The following CPQ variants were observed in gnomAD, a reference collection of about 807,000 sequenced individuals.
The protein encoded by CPQ is carboxypeptidase Q.
CPQ carries 37 observed loss-of-function variants against 45.7 expected under a neutral mutation model. That is an observed-to-expected ratio of 0.81 (90% CI 0.62 to 1.07). The LOEUF is 1.07. Ranked by LOEUF, CPQ falls within the 50% of genes least tolerant of loss-of-function variation. The probability of loss-of-function intolerance (pLI) is 0.00; values close to 1 mark genes in which losing one functional copy is unlikely to be tolerated. For synonymous variants in CPQ, 186 were observed against 205.8 expected, an observed-to-expected ratio of 0.90 and a Z score of 0.82; for missense variants, 537 against 572.9, an observed-to-expected ratio of 0.94 and a Z score of 0.64.
At chr8:96,647,003 A>G (rs1815526570) in intron 1 of CPQ, among the ~76,000 whole-genome samples, 1 of 152,148 alleles carries the variant, frequency 6.6e-6, no homozygotes. Context: ...ACTTTTTTCC[A>G]GTGCAACCCA....
intron 5 of CPQ, among the ~76,000 whole-genome samples, chr8:96,998,821 G>A (rs1809219293): frequency 6.6e-6 from 1 of 151,894 alleles, no homozygotes; most frequent in Non-Finnish European, 1.5e-5. Context: ...CATTGTACTG[G>A]CCTCCAGCTC....
intron 7 of CPQ, among the ~76,000 whole-genome samples, chr8:97,137,153 C>T (rs9693953): frequency 0.02 from 2,997 of 152,282 alleles, 82 homozygotes; most frequent in African/African-American, 0.067. Flanking sequence ...TGAGGAAATG[C>T]CTTCTTCAAG....
intron 5 of CPQ, among the ~76,000 whole-genome samples, chr8:97,010,317 A>G (rs1000371791): frequency 6.6e-6 from 1 of 152,176 alleles, no homozygotes; most frequent in African/African-American, 2.4e-5. Context: ...TGGGCATTGG[A>G]GTAAAAATAT....
chr8:96,732,242 G>T (rs1303265522), intron 1 of CPQ: 1 of 152,134 alleles, frequency 6.6e-6, no homozygotes, highest in Non-Finnish European at 1.5e-5. Context: ...CACAAAGCTG[G>T]CAACAATTTC....
intron 7 of CPQ, among the ~76,000 whole-genome samples, chr8:97,126,680 A>G (rs1418627597): frequency 6.6e-6 from 1 of 152,230 alleles, no homozygotes; most frequent in Admixed American, 6.5e-5. Context: ...TAATTTTAAT[A>G]AAATACATGT....
chr8:96,963,212 C>T lies in CPQ; in HGVS notation c.850-2723C>T, dbSNP rs987356257. On this transcript the variant is annotated intron_variant, in intron 4 of 7. Transcript: ENST00000220763. ...ATCTGAGAAAAAGTTTATTGAAGCA[C>T]ATTTTTACACTTTTAATCCACTGGA... 5.3e-5 allele frequency among the ~76,000 whole-genome samples: 8 copies of T among 152,282 alleles called. No homozygotes were observed. In the East Asian group the frequency reaches 1.5e-3, roughly 29 times the overall value.
At chr8:97,117,352 T>C (rs1811612417) in intron 7 of CPQ, among the ~76,000 whole-genome samples, 1 of 152,118 alleles carries the variant, frequency 6.6e-6, no homozygotes, top group African/African-American at 2.4e-5. Context: ...AGAGTGACTA[T>C]CTCATCTCAG....
At chr8:96,856,165 T>A (rs1185055497) in intron 3 of CPQ, among the ~76,000 whole-genome samples, 1 of 152,214 alleles carries the variant, frequency 6.6e-6, no homozygotes, top group Non-Finnish European at 1.5e-5. Flanking sequence ...AGGAGTGATA[T>A]GATCTAATCT....
intron 2 of CPQ, among the ~76,000 whole-genome samples, chr8:96,832,903 A>G (rs1228179948): frequency 6.6e-6 from 1 of 152,142 alleles, no homozygotes; most frequent in Non-Finnish European, 1.5e-5. Flanking sequence ...TCACTCTGGC[A>G]GCTCTGTGAA....
At chr8:96,899,414 C>G (rs1195528841) in intron 4 of CPQ, among the ~76,000 whole-genome samples, 2 of 152,110 alleles carry the variant, frequency 1.3e-5, no homozygotes, top group Admixed American at 6.6e-5. Flanking sequence ...TCTTGCATTG[C>G]TATTAAGAAA....
chr8:97,068,745 C>A (rs1353462764), intron 7 of CPQ, among the ~76,000 whole-genome samples: 2 of 152,158 alleles, frequency 1.3e-5, no homozygotes, highest in African/African-American at 4.8e-5. Flanking sequence ...ATACAACCAT[C>A]CTATGAAGGA....
chr8:96,951,765 T>A (rs1280281707), intron 4 of CPQ, among the ~76,000 whole-genome samples: 2 of 152,120 alleles, frequency 1.3e-5, no homozygotes, highest in Non-Finnish European at 2.9e-5. Flanking sequence ...CAGTGCATAG[T>A]ACCCTAAACC....
At chr8:97,054,841 G>A (rs763950214) in intron 6 of CPQ, among the ~76,000 whole-genome samples, 1 of 152,122 alleles carries the variant, frequency 6.6e-6, no homozygotes, top group African/African-American at 2.4e-5. Flanking sequence ...TTCGGGTTAC[G>A]GGTGCACTAA....
chr8:96,760,843 C>T (rs1810392357), intron 1 of CPQ: 1 of 152,128 alleles, frequency 6.6e-6, no homozygotes, highest in Non-Finnish European at 1.5e-5. Flanking sequence ...ATCTATGCAG[C>T]CTTGCCTTAT....
At chr8:96,713,476 C>G (rs1237413827) in intron 1 of CPQ, among the ~76,000 whole-genome samples, 1 of 152,146 alleles carries the variant, frequency 6.6e-6, no homozygotes, top group Non-Finnish European at 1.5e-5. Flanking sequence ...CTGGGGAGGC[C>G]TCAGGAAACT....
At chr8:96,833,547 A>G (rs904123901) in intron 2 of CPQ, among the ~76,000 whole-genome samples, 4 of 152,192 alleles carry the variant, frequency 2.6e-5, no homozygotes, top group African/African-American at 9.6e-5. Flanking sequence ...TATGCCAACA[A>G]TAACGCCAGT....
At chr8:96,645,752 G>A (rs942637535) in intron 1 of CPQ, among the ~76,000 whole-genome samples, 2 of 151,668 alleles carry the variant, frequency 1.3e-5, no homozygotes, top group African/African-American at 4.9e-5. Flanking sequence ...TCAGCCCCAA[G>A]CCGCCCCCTT....
intron 2 of CPQ, among the ~76,000 whole-genome samples, chr8:96,802,618 C>CT (rs1811021608): frequency 6.6e-6 from 1 of 152,190 alleles, no homozygotes; most frequent in Non-Finnish European, 1.5e-5. Flanking sequence ...CAAACTGAAA[C>CT]TTTTTTTCTT....
chr8:97,114,235 C>G (rs947111179), intron 7 of CPQ, among the ~76,000 whole-genome samples: 5 of 152,288 alleles, frequency 3.3e-5, no homozygotes, highest in Non-Finnish European at 5.9e-5. Flanking sequence ...AAGTAGTTGG[C>G]ACGTGGTTGG....
Sources: gnomAD v4.1 joint callset for allele counts (sites outside exome capture counted in the v4.1 genomes callset) on GRCh38, gnomAD v4.1.1 for gene constraint, MANE v1.5 for transcripts, NCBI Gene and HGNC (gene_info 2026-07-23, HGNC 2026-07-21) for gene names.